MTMR14: variants seen among roughly 807,000 people sequenced by gnomAD.
The protein encoded by MTMR14 is phosphatidylinositol-3,5-bisphosphate 3-phosphatase MTMR14.
A neutral mutation model predicts 86.3 loss-of-function variants in MTMR14; 48 were observed. The observed-to-expected ratio is 0.56, with a 90% CI of 0.44 to 0.71. The LOEUF is 0.71. Among genes scored for constraint, MTMR14 ranks in the 30% least tolerant of loss-of-function variants. The probability of loss-of-function intolerance (pLI) is 0.00; values close to 1 mark genes in which losing one functional copy is unlikely to be tolerated. For synonymous variants in MTMR14, 366 were observed against 326.1 expected (o/e 1.12, Z -1.32); for missense variants, 780 against 834.6 (o/e 0.93, Z 0.81).
At chr3:9,650,426 ATC>A (rs2047213654) in intron 1 of MTMR14, 1 of 454,942 alleles carries the variant, frequency 2.2e-6, no homozygotes. Flanking sequence ...CGACCCTGCC[ATC>A]TCATTCCCCC....
intron 3 of MTMR14, 72 bp from the exon 4 acceptor site, chr3:9,668,647 G>A: frequency 1.3e-6 from 2 of 1,513,756 alleles, no homozygotes; most frequent in Non-Finnish European, 1.8e-6. Flanking sequence ...AGTCAGAGGA[G>A]TCCCACATGT....
Position 9,678,109 on chromosome 3 carries a change from AG to A in MTMR14, c.897+53del, listed in dbSNP as rs750121874. 1.1e-5 allele frequency: 17 copies of A among 1,593,804 alleles called. No homozygotes were observed. The East Asian group carries it at 3.6e-4, about 34-fold the overall frequency. ...GGGCAGGATAAGGGAGTGGTGACCAAGGAGACTCTTGATGCCTGCCCCACAA... is the reference window on the plus strand; with the variant it reads ...GGGCAGGATAAGGGAGTGGTGACCAAGAGACTCTTGATGCCTGCCCCACAA... On this transcript the variant is annotated intron_variant, in intron 9 of 18. Transcript: ENST00000296003.
chr3:9,684,850 GA>G lies in MTMR14; in HGVS notation c.1051-36del, dbSNP rs555665432. ...GTTATGGTTCAGCTCCTGGGGATGAGAAGAGGGCTCTGTCACATCTCCTGTG... is the reference window on the plus strand; with the variant it reads ...GTTATGGTTCAGCTCCTGGGGATGAGAGAGGGCTCTGTCACATCTCCTGTG... On this transcript the variant is annotated intron_variant, in intron 11 of 18. Transcript: ENST00000296003. 2,014 of 1,608,600 alleles carry G rather than the reference GA, an allele frequency of 1.3e-3. 3 individuals are homozygous for G. The highest frequency in any genetic ancestry group is 1.7e-3 in the Non-Finnish European group (1,941 of 1,175,126).
chr3:9,675,746 A>T (rs1478824136), intron 7 of MTMR14: 1 of 456,042 alleles, frequency 2.2e-6, no homozygotes, highest in African/African-American at 2.0e-5. Flanking sequence ...CTTCTGCATC[A>T]TAGGCGGGTC....
At chr3:9,670,212 T>C (rs999319032) in intron 5 of MTMR14, among the ~76,000 whole-genome samples, 2 of 152,222 alleles carry the variant, frequency 1.3e-5, no homozygotes, top group African/African-American at 4.8e-5. Context: ...TCCCAAATCA[T>C]AGTTCAGTTC....
chr3:9,683,112 A>C, intron 9 of MTMR14, 66 bp from the exon 10 acceptor site: 1 of 1,505,328 alleles, frequency 6.6e-7, no homozygotes, highest in East Asian at 2.3e-5. Context: ...TTGGCATTTT[A>C]TTTTTTAAAT....
At chr3:9,654,048 C>G (rs1462055893) in intron 2 of MTMR14, among the ~76,000 whole-genome samples, 1 of 152,186 alleles carries the variant, frequency 6.6e-6, no homozygotes, top group Admixed American at 6.5e-5. Context: ...CTCTGAATAT[C>G]AGTGTCCCTT....
chr3:9,651,397 C>T (rs1161825465), intron 1 of MTMR14, among the ~76,000 whole-genome samples: 1 of 152,194 alleles, frequency 6.6e-6, no homozygotes, highest in South Asian at 2.1e-4. Flanking sequence ...GCCGCCACAC[C>T]TGGCCAGTAA....
intron 3 of MTMR14, among the ~76,000 whole-genome samples, chr3:9,665,107 C>T (rs2125074735): frequency 6.6e-6 from 1 of 152,036 alleles, no homozygotes; most frequent in East Asian, 1.9e-4. Context: ...CATAGTGAAA[C>T]CCCGTCTCTA....
chr3:9,686,256 T>C (rs1229809946), intron 13 of MTMR14, among the ~76,000 whole-genome samples: 1 of 152,226 alleles, frequency 6.6e-6, no homozygotes, highest in Admixed American at 6.5e-5. Context: ...GACTTTGGTA[T>C]TGAAATCAGT....
chr3:9,671,133 C>T lies in MTMR14; in HGVS notation c.640C>T (p.Leu214=), dbSNP rs201958729. 3.7e-6 allele frequency: 6 copies of T among 1,614,182 alleles called. No homozygotes were observed. In the African/African-American group the frequency reaches 4.0e-5, roughly 11 times the overall value. The change falls in exon 6 of 19, where the codon CTG becomes TTG. Residue 214 remains leucine (L), a synonymous_variant. Coordinates refer to ENST00000296003, the MANE Select transcript of MTMR14 (RefSeq NM_001077525.3). ...RYLSVKYICD[L]MVENKKVKFG... ...CCTGTCAGTCAAATACATCTGTGACCTGATGGTGGAGAACAAGAAGGTGAA... is the reference window on the plus strand; with the variant it reads ...CCTGTCAGTCAAATACATCTGTGACTTGATGGTGGAGAACAAGAAGGTGAA...
intron 7 of MTMR14, among the ~76,000 whole-genome samples, chr3:9,673,435 A>C (rs989900801): frequency 1.3e-5 from 2 of 152,222 alleles, no homozygotes; most frequent in Non-Finnish European, 2.9e-5. Flanking sequence ...GTAGCATTCA[A>C]GTTTTCTGGC....
chr3:9,666,060 G>A (rs1287059265), intron 3 of MTMR14, among the ~76,000 whole-genome samples: 3 of 149,848 alleles, frequency 2.0e-5, no homozygotes, highest in Non-Finnish European at 4.4e-5. Context: ...TTGAAGCAAT[G>A]TAAAAGTTTG....
intron 9 of MTMR14, among the ~76,000 whole-genome samples, chr3:9,682,308 A>G (rs1442252651): frequency 6.6e-6 from 1 of 152,134 alleles, no homozygotes; most frequent in African/African-American, 2.4e-5. Context: ...AGCCACTCCA[A>G]TTACAGGTGC....
At chr3:9,695,813 T>C (rs1200045196) in intron 17 of MTMR14, among the ~76,000 whole-genome samples, 2 of 152,176 alleles carry the variant, frequency 1.3e-5, no homozygotes, top group South Asian at 2.1e-4. Context: ...GCTTGAACAA[T>C]AGACGAGATT....
At chr3:9,680,230 CA>C (rs942722401) in intron 9 of MTMR14, among the ~76,000 whole-genome samples, 1 of 152,194 alleles carries the variant, frequency 6.6e-6, no homozygotes, top group Admixed American at 6.5e-5. Context: ...CATCCATCAC[CA>C]GCTCCCATCG....
At position 9,669,372 on chromosome 3, in the gene MTMR14, G is replaced by GCC. The variant is rs2048442892; in HGVS notation, c.494-57_494-56dup. ...TATGGGGAAGGAGGCTGGTGAGGAGGCCCCTGTGTGGAGCCCTGGGTCACC... is the reference window on the plus strand; with the variant it reads ...TATGGGGAAGGAGGCTGGTGAGGAGGCCCCCCTGTGTGGAGCCCTGGGTCACC... On this transcript the variant is annotated intron_variant, in intron 4 of 18. Transcript: ENST00000296003. 2.5e-6 allele frequency: 4 copies of GCC among 1,570,276 alleles called. No individual in the cohort carries two copies. In the African/African-American group the frequency reaches 4.0e-5, roughly 16 times the overall value.
At chr3:9,683,286 T>A in intron 10 of MTMR14, 42 bp downstream of exon 10, 1 of 1,575,378 alleles carries the variant, frequency 6.3e-7, no homozygotes, top group Non-Finnish European at 8.7e-7. Context: ...ACTGCACCCT[T>A]GGGGAGTTCC....
At chr3:9,684,547 T>G (rs763766978) in intron 10 of MTMR14, 38 bp from the exon 11 acceptor site, 1 of 1,600,786 alleles carries the variant, frequency 6.2e-7, no homozygotes, top group South Asian at 1.1e-5. Context: ...CCATGTCTGG[T>G]TCTCTCCTGG....
Sources: gnomAD v4.1 joint callset for allele counts (sites outside exome capture counted in the v4.1 genomes callset) on GRCh38, gnomAD v4.1.1 for gene constraint, MANE v1.5 for transcripts, NCBI Gene and HGNC (gene_info 2026-07-23, HGNC 2026-07-21) for gene names.